Variants in MCC observed in about 807,000 individuals in gnomAD.
MCC encodes the protein colorectal mutant cancer protein.
In MCC, 90 loss-of-function variants were observed where a neutral mutation model predicts 116.2. That is an observed-to-expected ratio of 0.77 (90% CI 0.65 to 0.92). MCC has a LOEUF of 0.92. Ranked by LOEUF, MCC falls within the 40% of genes least tolerant of loss-of-function variation. MCC has a pLI of 0.00. For missense variants in MCC, 1,516 were observed against 1,312.2 expected, an observed-to-expected ratio of 1.16 and a Z score of -2.40; for synonymous variants, 578 against 510.5, an observed-to-expected ratio of 1.13 and a Z score of -1.78.
At chr5:113,385,583 A>C (rs966704164) in intron 1 of MCC, among the ~76,000 whole-genome samples, 1 of 152,176 alleles carries the variant, frequency 6.6e-6, no homozygotes, top group Admixed American at 6.5e-5. Flanking sequence ...AACATAGAAC[A>C]GACATTATTT....
intron 3 of MCC, among the ~76,000 whole-genome samples, chr5:113,218,061 C>A (rs1407512126): frequency 3.4e-5 from 5 of 145,292 alleles, no homozygotes; most frequent in Non-Finnish European, 7.5e-5. Flanking sequence ...AAGTGAGCAT[C>A]TGGCTCTTAA....
At chr5:113,037,335 A>C (rs145310499) in intron 17 of MCC, among the ~76,000 whole-genome samples, 1 of 152,242 alleles carries the variant, frequency 6.6e-6, no homozygotes, top group African/African-American at 2.4e-5. Flanking sequence ...AACTCTGAGG[A>C]GTCTCGCTGG....
At position 113,029,005 on chromosome 5, in the gene MCC, T is replaced by C. The variant is rs1750769518; in HGVS notation, c.2808A>G (p.Arg936=). ...GTCGGATTTCACTGCTCTTGGTGAG[T>C]CTCTCCAAGGCACTCACCAGCTCTT... The part of the protein sequence containing the change: ...RVQELVSALE[R]LTKSSEIRHQ... Residue 936 remains arginine (R), a synonymous_variant, in exon 18 of 19, where the codon AGA becomes AGG. Coordinates refer to ENST00000408903, the MANE Select transcript of MCC (RefSeq NM_001085377.2). The C allele has an allele frequency of 6.2e-7, 1 of 1,613,612 alleles. No individual in the cohort carries two copies. Among genetic ancestry groups the C allele is most frequent in the Non-Finnish European group, 8.5e-7 (1 of 1,179,760 alleles).
chr5:113,412,172 T>C (rs1486285765), intron 1 of MCC, among the ~76,000 whole-genome samples: 1 of 152,254 alleles, frequency 6.6e-6, no homozygotes, highest in African/African-American at 2.4e-5. Context: ...TTGGTTACTG[T>C]AGCCTTATAG....
At chr5:113,363,818 C>T (rs1313497344) in intron 2 of MCC, among the ~76,000 whole-genome samples, 3 of 152,148 alleles carry the variant, frequency 2.0e-5, no homozygotes, top group Non-Finnish European at 4.4e-5. Context: ...TCATCTGTGA[C>T]AAGACTAGGC....
chr5:113,465,443 CA>C (rs1771874709), intron 1 of MCC, among the ~76,000 whole-genome samples: 1 of 151,870 alleles, frequency 6.6e-6, no homozygotes, highest in Non-Finnish European at 1.5e-5. Context: ...AAAATAATGT[CA>C]ATATTTATCT....
intron 14 of MCC, among the ~76,000 whole-genome samples, chr5:113,060,400 G>C (rs186871100): frequency 6.6e-6 from 1 of 152,002 alleles, no homozygotes; most frequent in Non-Finnish European, 1.5e-5. Flanking sequence ...TGATCTGCCC[G>C]CCTCAGCCTC....
chr5:113,056,122 A>G (rs544193301), intron 14 of MCC, among the ~76,000 whole-genome samples: 2 of 152,174 alleles, frequency 1.3e-5, no homozygotes, highest in Non-Finnish European at 2.9e-5. Flanking sequence ...CCCACCTCCT[A>G]TTGGTTCTGA....
At chr5:113,429,114 A>T (rs1241352821) in intron 1 of MCC, among the ~76,000 whole-genome samples, 3 of 152,186 alleles carry the variant, frequency 2.0e-5, no homozygotes, top group Non-Finnish European at 4.4e-5. Flanking sequence ...AGTGTTGTAT[A>T]GTGAATTGTG....
At chr5:113,415,911 C>T (rs1258319116) in intron 1 of MCC, among the ~76,000 whole-genome samples, 1 of 152,176 alleles carries the variant, frequency 6.6e-6, no homozygotes, top group Non-Finnish European at 1.5e-5. Flanking sequence ...GTGGTTTTAT[C>T]TACCTTTGGT....
chr5:113,258,184 G>GTACA (rs1765090690), intron 3 of MCC, among the ~76,000 whole-genome samples: 1 of 152,128 alleles, frequency 6.6e-6, no homozygotes, highest in Admixed American at 6.5e-5. Context: ...AAAAACCAAA[G>GTACA]TACAATGCTT....
intron 15 of MCC, among the ~76,000 whole-genome samples, 193 bp downstream of exon 15, chr5:113,053,532 A>T (rs1286498590): frequency 6.6e-6 from 1 of 151,676 alleles, no homozygotes; most frequent in East Asian, 1.9e-4. Flanking sequence ...TAGAAATTCA[A>T]CTCCCCTGTC....
chr5:113,081,742 A>G (rs1754870857), intron 11 of MCC, among the ~76,000 whole-genome samples: 1 of 148,966 alleles, frequency 6.7e-6, no homozygotes, highest in Non-Finnish European at 1.5e-5. Context: ...TTAATAAGGA[A>G]ACCATTTAAT....
intron 1 of MCC, among the ~76,000 whole-genome samples, chr5:113,450,857 C>A (rs892691866): frequency 1.3e-5 from 2 of 152,092 alleles, no homozygotes; most frequent in Non-Finnish European, 2.9e-5. Context: ...TTTTACCTTT[C>A]TATTCTGGAA....
At chr5:113,098,249 G>C (rs550798376) in intron 8 of MCC, among the ~76,000 whole-genome samples, 1 of 152,158 alleles carries the variant, frequency 6.6e-6, no homozygotes, top group Admixed American at 6.5e-5. Context: ...GGAGAAAGTG[G>C]TTCCTGCCAT....
In MCC at chr5:113,434,986, G is replaced by C; in HGVS notation, c.171-49774C>G. 1.0e-6 allele frequency: 1 copy of C among 963,820 alleles called. No homozygotes were observed. The highest frequency in any genetic ancestry group is 1.5e-6 in the Non-Finnish European group (1 of 658,980). The allele number at this position is 963,820 out of a possible 1,614,324, so 59.7% of individuals were successfully genotyped here. On this transcript the variant is annotated intron_variant, in intron 1 of 18. Transcript: ENST00000408903. This position sits in a 1 kb window ranked among gnomAD's most constrained non-coding sequence, Gnocchi z 4.2. ...CTGCCTCCTAGAGGCCAAGACTCTG[G>C]AGTGGAACATTTGGCACTGTCTCCC...
chr5:113,247,195 A>T (rs1764613588), intron 3 of MCC, among the ~76,000 whole-genome samples: 1 of 152,250 alleles, frequency 6.6e-6, no homozygotes, highest in Non-Finnish European at 1.5e-5. Context: ...GATTAGCAAA[A>T]AATCCTACAG....
At chr5:113,122,880 T>C (rs896786669) in intron 5 of MCC, 54 bp from the exon 6 acceptor site, 26 of 1,560,826 alleles carry the variant, frequency 1.7e-5, no homozygotes, top group Non-Finnish European at 2.2e-5. Context: ...GACAACCCCC[T>C]AGAGAATATG....
chr5:113,186,298 C>T (rs1166753800), intron 3 of MCC, among the ~76,000 whole-genome samples: 1 of 152,148 alleles, frequency 6.6e-6, no homozygotes, highest in Non-Finnish European at 1.5e-5. Context: ...AAGTGCAGCT[C>T]CAGGGGCTAT....
Sources: allele counts gnomAD v4.1 joint callset (sites outside exome capture counted in the v4.1 genomes callset), GRCh38; gene constraint gnomAD v4.1.1; non-coding constraint Gnocchi (gnomAD v3.1); transcripts MANE v1.5; gene names NCBI Gene and HGNC (gene_info 2026-07-23, HGNC 2026-07-21).